The following CLIC5 variants were observed in gnomAD, a reference collection of about 807,000 sequenced individuals.
CLIC5 encodes CLIC family member 5.
CLIC5 carries 20 observed loss-of-function variants against 24.7 expected under a neutral mutation model. The ratio of observed to expected loss-of-function variants is 0.81; its 90% CI spans 0.57 to 1.18. CLIC5 has a LOEUF of 1.18. Among genes scored for constraint, CLIC5 ranks in the 50% most tolerant of loss-of-function variants. CLIC5 has a pLI of 0.00. For missense variants in CLIC5, 341 were observed against 326.1 expected (o/e 1.05, Z -0.35); for synonymous variants, 159 against 135.6 (o/e 1.17, Z -1.20).
At chr6:46,015,978 G>T (rs1005697868), upstream of CLIC5, 22 of 830,634 alleles carry the variant, frequency 2.6e-5, no homozygotes, top group South Asian at 1.1e-4. Context: ...ACGGCCCCCC[G>T]CCCCAAGACC....
At chr6:46,048,005 C>A (rs1027347776) in intron 1 of CLIC5, among the ~76,000 whole-genome samples, 23 of 139,180 alleles carry the variant, frequency 1.7e-4, no homozygotes, top group Non-Finnish European at 2.8e-4. Context: ...TCCATATCTA[C>A]TTTTTTTTTT....
rs1467210210 is a variant in CLIC5, at chr6:45,901,258, T to C, written c.*1830A>G. 2 of 152,134 alleles carry C rather than the reference T, an allele frequency of 1.3e-5. No homozygotes were observed. Among genetic ancestry groups the C allele is most frequent in the African/African-American group, 4.8e-5 (2 of 41,416 alleles). 9.4% of individuals were successfully genotyped at this position (152,134 alleles called of 1,614,324 possible). A position where few individuals can be genotyped will look rare whatever the true frequency, so the allele number is the denominator to read the frequency against. On this transcript the variant is annotated 3_prime_UTR_variant, in exon 6 of 6. Coordinates refer to ENST00000339561, the MANE Select transcript of CLIC5 (RefSeq NM_016929.5). The stretch of plus-strand genomic sequence containing the variant: ...CAGGGGGACCTGGAAAGGTTCCTTT[T>C]GAGGTGGAAATGAATCAACTCATTC...
At chr6:46,040,478 G>A (rs1767776239) in intron 1 of CLIC5, among the ~76,000 whole-genome samples, 1 of 151,980 alleles carries the variant, frequency 6.6e-6, no homozygotes, top group Non-Finnish European at 1.5e-5. Flanking sequence ...AATGGCGCTG[G>A]CATTGTTGGT....
At chr6:45,965,025 T>C (rs981919061) in intron 1 of CLIC5, among the ~76,000 whole-genome samples, 1 of 152,208 alleles carries the variant, frequency 6.6e-6, no homozygotes, top group African/African-American at 2.4e-5. Flanking sequence ...ATTTATGAAA[T>C]ATTATGCCTT....
intron 1 of CLIC5, among the ~76,000 whole-genome samples, chr6:46,043,424 T>C (rs1253842971): frequency 1.3e-5 from 2 of 152,200 alleles, no homozygotes; most frequent in Non-Finnish European, 1.5e-5. Flanking sequence ...TGTTCTCAAA[T>C]ACCTGCAAAG....
chr6:46,114,318 A>G, the CLIC5 span, among the ~76,000 whole-genome samples: 1 of 152,154 alleles, frequency 6.6e-6, no homozygotes, highest in Non-Finnish European at 1.5e-5. Flanking sequence ...GTTGATGTGC[A>G]TGCGCAGCCC....
chr6:46,025,857 CTG>C (rs1423250228), intron 1 of CLIC5, among the ~76,000 whole-genome samples: 1 of 152,124 alleles, frequency 6.6e-6, no homozygotes, highest in Non-Finnish European at 1.5e-5. Flanking sequence ...GTTTAAAAGT[CTG>C]TGGCACTTCC....
chr6:46,091,590 T>A, the CLIC5 span, among the ~76,000 whole-genome samples: 1 of 152,090 alleles, frequency 6.6e-6, no homozygotes, highest in Non-Finnish European at 1.5e-5. Flanking sequence ...AAATAAAAAT[T>A]AACTGGATAT....
chr6:46,040,408 ATAG>A (rs974288978), intron 1 of CLIC5, among the ~76,000 whole-genome samples: 2 of 152,134 alleles, frequency 1.3e-5, no homozygotes, highest in African/African-American at 4.8e-5. Flanking sequence ...GGTGGTACAG[ATAG>A]TAGTACAGGT....
At chr6:45,897,723 C>G (rs1762412960), downstream of CLIC5, among the ~76,000 whole-genome samples, 2 of 152,104 alleles carry the variant, frequency 1.3e-5, no homozygotes, top group South Asian at 4.2e-4. Flanking sequence ...GAACCTGAAC[C>G]CAGAGTCAGT....
chr6:46,088,965 G>A, the CLIC5 span, among the ~76,000 whole-genome samples: 1 of 152,206 alleles, frequency 6.6e-6, no homozygotes, highest in Non-Finnish European at 1.5e-5. Context: ...AATGCTTGCA[G>A]CAGGGAAGGG....
At chr6:46,090,167 G>T in the CLIC5 span, among the ~76,000 whole-genome samples, 3 of 152,180 alleles carry the variant, frequency 2.0e-5, no homozygotes, top group African/African-American at 7.2e-5. Flanking sequence ...GAAGCTGATG[G>T]CAGATAATAC....
the CLIC5 span, among the ~76,000 whole-genome samples, chr6:46,106,806 C>T: frequency 2.0e-5 from 3 of 152,172 alleles, no homozygotes; most frequent in African/African-American, 2.4e-5. Context: ...TTTGCTACCA[C>T]GTTTAATCTA....
intron 1 of CLIC5, among the ~76,000 whole-genome samples, chr6:46,005,791 G>C (rs1312314415): frequency 3.3e-5 from 5 of 151,762 alleles, no homozygotes; most frequent in African/African-American, 1.2e-4. Context: ...TCCACAATGT[G>C]AGAACCCAGT....
At chr6:45,921,889 G>A (rs1407069027) in intron 4 of CLIC5, among the ~76,000 whole-genome samples, 1 of 152,190 alleles carries the variant, frequency 6.6e-6, no homozygotes, top group East Asian at 1.9e-4. Flanking sequence ...CACTGGACTT[G>A]GCCTCATAGC....
intron 2 of CLIC5, among the ~76,000 whole-genome samples, chr6:45,954,745 A>C (rs957412280): frequency 6.6e-6 from 1 of 152,138 alleles, no homozygotes; most frequent in South Asian, 2.1e-4. Context: ...CTAGATCACA[A>C]CTCTCTGAAG....
At chr6:45,945,009 T>C (rs938882093) in intron 3 of CLIC5, among the ~76,000 whole-genome samples, 1 of 152,254 alleles carries the variant, frequency 6.6e-6, no homozygotes, top group Admixed American at 6.5e-5. Context: ...TCATGTCTGC[T>C]GTGTAAGCAA....
chr6:45,998,551 C>T (rs1265462646), intron 1 of CLIC5, among the ~76,000 whole-genome samples: 1 of 152,262 alleles, frequency 6.6e-6, no homozygotes, highest in Non-Finnish European at 1.5e-5. Context: ...AGCTTCAGCC[C>T]CTGTGAATAT....
At chr6:45,924,808 A>T (rs555141938) in intron 4 of CLIC5, among the ~76,000 whole-genome samples, 66 of 152,334 alleles carry the variant, frequency 4.3e-4, no homozygotes, top group African/African-American at 1.4e-3. Flanking sequence ...CCTATCAAAA[A>T]TACTCATCTT....
Sources: gnomAD v4.1 joint callset for allele counts (sites outside exome capture counted in the v4.1 genomes callset) on GRCh38, gnomAD v4.1.1 for gene constraint, MANE v1.5 for transcripts, NCBI Gene and HGNC (gene_info 2026-07-23, HGNC 2026-07-21) for gene names.